MIPOL1: variants seen among roughly 807,000 people sequenced by gnomAD.
The protein encoded by MIPOL1 is mirror-image polydactyly 1, also known as mirror-image polydactyly gene 1 protein.
In MIPOL1, 57 loss-of-function variants were observed where a neutral mutation model predicts 60.9. The observed-to-expected ratio is 0.94, with a 90% confidence interval of 0.76 to 1.17. The LOEUF (loss-of-function observed/expected upper bound fraction) is 1.17, where lower values mean the gene tolerates loss of function less well. MIPOL1 is among the 50% of genes most tolerant of loss of function. The pLI, the probability that MIPOL1 is intolerant of heterozygous loss-of-function variation, is 0.00. For synonymous variants in MIPOL1, 179 were observed against 168.8 expected (o/e 1.06, Z -0.47); for missense variants, 551 against 511.6 (o/e 1.08, Z -0.74).
intron 1 of MIPOL1, among the ~76,000 whole-genome samples, chr14:37,225,617 C>A (rs1338382606): frequency 6.6e-6 from 1 of 152,056 alleles, no homozygotes; most frequent in African/African-American, 2.4e-5. Flanking sequence ...GGCTGACCCA[C>A]TTTTTCCTCA....
At chr14:37,381,548 T>C (rs1009403618) in intron 10 of MIPOL1, among the ~76,000 whole-genome samples, 3 of 151,352 alleles carry the variant, frequency 2.0e-5, no homozygotes, top group Non-Finnish European at 2.9e-5. Context: ...GTTTCCAAAA[T>C]AGTAAAATCT....
chr14:37,314,108 G>A (rs1054374179), intron 9 of MIPOL1, among the ~76,000 whole-genome samples: 7 of 151,938 alleles, frequency 4.6e-5, no homozygotes, highest in East Asian at 3.9e-4. Flanking sequence ...TTCTGTACTC[G>A]TTTCTTGGTT....
intron 10 of MIPOL1, chr14:37,385,376 G>A (rs1170154676): frequency 2.6e-5 from 4 of 151,912 alleles, no homozygotes; most frequent in East Asian, 1.9e-4. Context: ...TTTTCTTTTC[G>A]GGTATTGCTT....
chr14:37,336,502 T>C (rs1595208746), intron 9 of MIPOL1, among the ~76,000 whole-genome samples: 1 of 151,480 alleles, frequency 6.6e-6, no homozygotes, highest in South Asian at 2.1e-4. Context: ...TTATAGTGTT[T>C]TTGATCTTTG....
intron 1 of MIPOL1, among the ~76,000 whole-genome samples, chr14:37,220,296 CAT>C (rs1968527597): frequency 6.6e-6 from 1 of 151,994 alleles, no homozygotes; most frequent in African/African-American, 2.4e-5. Flanking sequence ...CAAACATGTA[CAT>C]ATAATCTAAA....
intron 10 of MIPOL1, among the ~76,000 whole-genome samples, chr14:37,415,628 CAA>C (rs11377270): frequency 3.2e-5 from 4 of 126,598 alleles, no homozygotes; most frequent in Non-Finnish European, 3.3e-5. Context: ...GACTCTGTCT[CAA>C]AAAAAAAAAA....
chr14:37,510,324 G>A (rs527856576), intron 12 of MIPOL1, among the ~76,000 whole-genome samples: 82 of 152,106 alleles, frequency 5.4e-4, no homozygotes, highest in Admixed American at 1.2e-3. Context: ...ATGGCTCACT[G>A]CAGCCTCAGC....
At chr14:37,320,850 G>C (rs538179952) in intron 9 of MIPOL1, among the ~76,000 whole-genome samples, 21 of 152,100 alleles carry the variant, frequency 1.4e-4, no homozygotes, top group South Asian at 2.1e-4. Flanking sequence ...TTAATGAATT[G>C]TGTCTCCCCA....
At chr14:37,369,475 G>T (rs1342645866) in intron 9 of MIPOL1, 42 bp from the exon 10 acceptor site, 2 of 1,426,374 alleles carry the variant, frequency 1.4e-6, no homozygotes, top group African/African-American at 1.4e-5. Context: ...GAAAAAAAAT[G>T]CTATAACTCC....
intron 1 of MIPOL1, among the ~76,000 whole-genome samples, chr14:37,203,685 T>G (rs902591550): frequency 1.3e-5 from 2 of 152,182 alleles, no homozygotes; most frequent in Non-Finnish European, 2.9e-5. Flanking sequence ...GCTGTCATGT[T>G]GTGAACTGAC....
rs1365427661 is a variant in MIPOL1, at chr14:37,267,006, C to T, written c.88C>T (p.Leu30=). The part of the protein sequence containing the change: ...INKSTQPDEQ[L]TMNSEKSMHR... The stretch of plus-strand genomic sequence containing the variant: ...TAAAAGTACGCAGCCAGATGAGCAA[C>T]TGACTATGAATTCTGAGAAAAGTAT... The change falls in exon 4 of 13, where the codon CTG becomes TTG. Residue 30 remains leucine (L), a synonymous_variant. Transcript: ENST00000684589. The T allele has an allele frequency of 6.2e-7, 1 of 1,613,860 alleles. No individual in the cohort carries two copies. The highest frequency in any genetic ancestry group is 8.5e-7 in the Non-Finnish European group (1 of 1,179,906).
intron 9 of MIPOL1, among the ~76,000 whole-genome samples, chr14:37,326,470 G>T (rs1373075723): frequency 1.3e-5 from 2 of 151,912 alleles, no homozygotes; most frequent in African/African-American, 4.8e-5. Context: ...CAGAGGAAGT[G>T]TCTATTCTAA....
intron 2 of MIPOL1, 35 bp from the exon 3 acceptor site, chr14:37,247,794 T>C (rs1382633539): frequency 8.0e-7 from 1 of 1,252,978 alleles, no homozygotes; most frequent in Non-Finnish European, 1.2e-6. Flanking sequence ...ATATATTGTT[T>C]TCAGTTTATT....
chr14:37,295,350 A>G (rs2085534098), intron 7 of MIPOL1, among the ~76,000 whole-genome samples: 1 of 152,212 alleles, frequency 6.6e-6, no homozygotes, highest in South Asian at 2.1e-4. Flanking sequence ...CTGGAAAAAC[A>G]TGCCAAATTG....
chr14:37,519,037 G>C (rs1693423510), intron 12 of MIPOL1, among the ~76,000 whole-genome samples: 1 of 152,162 alleles, frequency 6.6e-6, no homozygotes, highest in Admixed American at 6.6e-5. Flanking sequence ...AATAATGTCA[G>C]TTAATAAATG....
chr14:37,549,284 T>A lies in MIPOL1; in HGVS notation c.*2313T>A, dbSNP rs2095555850. 1 of 151,884 alleles carries A rather than the reference T, an allele frequency of 6.6e-6. No individual in the cohort carries two copies. The highest frequency in any genetic ancestry group is 6.6e-5 in the Admixed American group (1 of 15,242). The allele number at this position is 151,884 out of a possible 1,614,324, so 9.4% of individuals were successfully genotyped here. On this transcript the variant is annotated 3_prime_UTR_variant, in exon 13 of 13. Coordinates refer to ENST00000684589, the MANE Select transcript of MIPOL1 (RefSeq NM_001388067.1). ...CTTCTTCTTGTAAAAATAAGTAATT[T>A]ACAGGAAAGGCAAAATGCTAATACT...
intron 10 of MIPOL1, among the ~76,000 whole-genome samples, chr14:37,377,202 A>G (rs1329464059): frequency 6.6e-6 from 1 of 152,172 alleles, no homozygotes; most frequent in Non-Finnish European, 1.5e-5. Flanking sequence ...TGACTCTGCT[A>G]TAGACACTGG....
intron 3 of MIPOL1, among the ~76,000 whole-genome samples, chr14:37,258,753 G>A (rs768355583): frequency 6.6e-6 from 1 of 151,926 alleles, no homozygotes; most frequent in East Asian, 1.9e-4. Flanking sequence ...AAATACTTAC[G>A]TACTTTAAAT....
intron 12 of MIPOL1, among the ~76,000 whole-genome samples, chr14:37,530,899 C>T (rs1364656966): frequency 6.6e-6 from 1 of 151,542 alleles, no homozygotes; most frequent in Non-Finnish European, 1.5e-5. Flanking sequence ...CTCACTGCAA[C>T]CTCCGCCTCC....
Sources: gnomAD v4.1 joint callset for allele counts (sites outside exome capture counted in the v4.1 genomes callset) on GRCh38, gnomAD v4.1.1 for gene constraint, MANE v1.5 for transcripts, NCBI Gene and HGNC (gene_info 2026-07-23, HGNC 2026-07-21) for gene names.